Variants in IRAG1 observed in about 807,000 individuals in gnomAD.
The protein encoded by IRAG1 is IP3R-associated cGMP kinase substrate.
A neutral mutation model predicts 106.2 loss-of-function variants in IRAG1; 62 were observed. That is an observed-to-expected ratio of 0.58 (90% CI 0.48 to 0.72). The LOEUF is 0.72. Ranked by LOEUF, IRAG1 falls within the 30% of genes least tolerant of loss-of-function variation. The pLI is 0.00. For missense variants in IRAG1, 1,064 were observed against 1,140.7 expected, an observed-to-expected ratio of 0.93 and a Z score of 0.97; for synonymous variants, 462 against 443.9, an observed-to-expected ratio of 1.04 and a Z score of -0.51.
At chr11:10,593,193 T>C in intron 17 of IRAG1, 1 of 224,928 alleles carries the variant, frequency 4.4e-6, no homozygotes, top group South Asian at 6.3e-5. Flanking sequence ...CACTGCAGAG[T>C]AGAAAAAAAT....
chr11:10,667,708 C>T (rs1859895756), intron 1 of IRAG1, among the ~76,000 whole-genome samples: 1 of 152,208 alleles, frequency 6.6e-6, no homozygotes, highest in Non-Finnish European at 1.5e-5. Context: ...TCAAGTCAAA[C>T]ATTTCAATGG....
At chr11:10,618,742 C>T (rs1027058595) in intron 10 of IRAG1, among the ~76,000 whole-genome samples, 6 of 152,180 alleles carry the variant, frequency 3.9e-5, no homozygotes, top group Admixed American at 6.5e-5. Flanking sequence ...AATGAGCTGC[C>T]GAAGGCAGGC....
chr11:10,588,689 C>G (rs1253421658), intron 18 of IRAG1, among the ~76,000 whole-genome samples: 1 of 152,144 alleles, frequency 6.6e-6, no homozygotes, highest in African/African-American at 2.4e-5. Flanking sequence ...CCCCCACTTC[C>G]CCAGTTCCCC....
chr11:10,684,316 A>G (rs2135233694), intron 1 of IRAG1, among the ~76,000 whole-genome samples: 1 of 152,300 alleles, frequency 6.6e-6, no homozygotes, highest in South Asian at 2.1e-4. Flanking sequence ...AGGGACATGG[A>G]TGAAACTGGA....
chr11:10,588,808 T>C (rs1257229628), intron 18 of IRAG1, among the ~76,000 whole-genome samples: 1 of 152,238 alleles, frequency 6.6e-6, no homozygotes, highest in Non-Finnish European at 1.5e-5. Flanking sequence ...AATAGGCTGC[T>C]TCCCATCTGT....
chr11:10,643,036 A>C (rs372961207), intron 2 of IRAG1, among the ~76,000 whole-genome samples: 1 of 152,030 alleles, frequency 6.6e-6, no homozygotes, highest in Non-Finnish European at 1.5e-5. Flanking sequence ...TTAGCCGGGC[A>C]TGGTGGCGGG....
intron 18 of IRAG1, among the ~76,000 whole-genome samples, chr11:10,591,166 C>G (rs1413029102): frequency 6.6e-6 from 1 of 152,192 alleles, no homozygotes; most frequent in East Asian, 1.9e-4. Context: ...TGGCCAGAGG[C>G]AAGGAAGTTG....
At chr11:10,654,362 T>G (rs758142860) in intron 1 of IRAG1, among the ~76,000 whole-genome samples, 12 of 152,254 alleles carry the variant, frequency 7.9e-5, no homozygotes, top group Non-Finnish European at 1.5e-4. Context: ...TTTAAAGAAC[T>G]AGGGACTTTT....
At chr11:10,689,329 C>T (rs917301647) in intron 1 of IRAG1, among the ~76,000 whole-genome samples, 1 of 152,164 alleles carries the variant, frequency 6.6e-6, no homozygotes, top group Admixed American at 6.5e-5. Flanking sequence ...TTCTCATTCC[C>T]GGCTGACCCT....
chr11:10,617,005 G>C, intron 10 of IRAG1: 5 of 983,544 alleles, frequency 5.1e-6, no homozygotes, highest in Non-Finnish European at 4.8e-6. Context: ...GTTCCTAAAA[G>C]TCAAAGCTGC....
At chr11:10,684,602 TATA>T (rs72177457) in intron 1 of IRAG1, among the ~76,000 whole-genome samples, 41,058 of 138,346 alleles carry the variant, frequency 0.3, 7,057 homozygotes, top group East Asian at 0.65. Flanking sequence ...AAACTTAAAG[TATA>T]ATAATAATAA....
intron 10 of IRAG1, among the ~76,000 whole-genome samples, chr11:10,621,288 G>GT (rs1855816513): frequency 6.6e-6 from 1 of 152,190 alleles, no homozygotes; most frequent in African/African-American, 2.4e-5. Context: ...ATAGGTAGGT[G>GT]TAAGTTACTA....
chr11:10,633,950 A>G lies in IRAG1; in HGVS notation c.329+18T>C, dbSNP rs749441635. ...AGGAAATATTGTTTGTCACAATGCAAGGATCAGGCACCTGTACCTGTTGGC... is the reference window on the plus strand; with the variant it reads ...AGGAAATATTGTTTGTCACAATGCAGGGATCAGGCACCTGTACCTGTTGGC... On this transcript the variant is annotated intron_variant, in intron 3 of 20. Coordinates refer to ENST00000423302, the MANE Select transcript of IRAG1 (RefSeq NM_130385.4). 14 of 1,497,870 alleles carry G rather than the reference A, an allele frequency of 9.3e-6. No individual in the cohort carries two copies. The highest frequency in any genetic ancestry group is 1.3e-5 in the Non-Finnish European group (14 of 1,082,786). 92.8% of individuals were successfully genotyped at this position (1,497,870 alleles called of 1,614,324 possible). A position where few individuals can be genotyped will look rare whatever the true frequency, so the allele number is the denominator to read the frequency against.
chr11:10,604,638 G>A (rs766025950), intron 12 of IRAG1, 93 bp from the exon 13 acceptor site: 50 of 1,484,212 alleles, frequency 3.4e-5, no homozygotes, highest in Admixed American at 2.9e-4. Context: ...GTTTTGCAAC[G>A]GCCCCTGGAA....
intron 2 of IRAG1, among the ~76,000 whole-genome samples, chr11:10,638,852 T>C (rs2134730369): frequency 6.6e-6 from 1 of 152,356 alleles, no homozygotes; most frequent in Admixed American, 6.5e-5. Context: ...AGGAGAGTTA[T>C]AGCATATATC....
At chr11:10,577,476 C>G (rs1850944247) in intron 20 of IRAG1, among the ~76,000 whole-genome samples, 1 of 152,138 alleles carries the variant, frequency 6.6e-6, no homozygotes. Context: ...TGAAGAAGCC[C>G]TGAGCCCCTT....
At chr11:10,692,210 T>TACAC (rs1554938000) in intron 1 of IRAG1, among the ~76,000 whole-genome samples, 2 of 151,306 alleles carry the variant, frequency 1.3e-5, no homozygotes, top group Middle Eastern at 3.4e-3. Flanking sequence ...CACACACACA[T>TACAC]ACACGCACTA....
chr11:10,579,531 A>G (rs1037760045), intron 20 of IRAG1, among the ~76,000 whole-genome samples: 2 of 152,196 alleles, frequency 1.3e-5, no homozygotes, highest in Non-Finnish European at 2.9e-5. Context: ...TAACTATACT[A>G]ATAGAGACAA....
chr11:10,633,375 G>A (rs574964113), intron 3 of IRAG1, among the ~76,000 whole-genome samples: 12 of 152,096 alleles, frequency 7.9e-5, no homozygotes, highest in Non-Finnish European at 1.2e-4. Context: ...GCGCCCGGCC[G>A]AGAATTATCT....
Sources: allele counts gnomAD v4.1 joint callset (sites outside exome capture counted in the v4.1 genomes callset), GRCh38; gene constraint gnomAD v4.1.1; transcripts MANE v1.5; gene names NCBI Gene and HGNC (gene_info 2026-07-23, HGNC 2026-07-21).